Variants in RBMS2 observed in about 807,000 individuals in gnomAD.
The protein encoded by RBMS2 is RNA binding motif single stranded interacting protein 2.
Under a neutral mutation model 58.4 loss-of-function variants are expected in RBMS2, and 38 were observed. That is an observed-to-expected ratio of 0.65 (90% confidence interval 0.50 to 0.85). The LOEUF (loss-of-function observed/expected upper bound fraction) is 0.85, where lower values mean the gene tolerates loss of function less well. RBMS2 is among the 40% of genes least tolerant of loss of function. The pLI, the probability that RBMS2 is intolerant of heterozygous loss-of-function variation, is 0.00. For missense variants in RBMS2, 367 were observed against 503.7 expected (o/e 0.73, Z 2.60); for synonymous variants, 151 against 180.7 (o/e 0.84, Z 1.32).
chr12:56,556,627 C>A (rs1259376824), intron 1 of RBMS2, among the ~76,000 whole-genome samples: 1 of 152,108 alleles, frequency 6.6e-6, no homozygotes, highest in African/African-American at 2.4e-5. Context: ...CCACCCGCCT[C>A]AGCCTCCCAA....
intron 9 of RBMS2, among the ~76,000 whole-genome samples, chr12:56,583,171 T>G (rs1321056004): frequency 6.6e-6 from 1 of 152,260 alleles, no homozygotes; most frequent in African/African-American, 2.4e-5. Flanking sequence ...TTTTTATATA[T>G]GAATGCTTCT....
chr12:56,551,346 C>T (rs939849872), intron 1 of RBMS2, among the ~76,000 whole-genome samples: 1 of 152,070 alleles, frequency 6.6e-6, no homozygotes, highest in Non-Finnish European at 1.5e-5. Context: ...CTCATGATTT[C>T]AAGATTTAAG....
chr12:56,543,512 T>G (rs1876542400), intron 1 of RBMS2, among the ~76,000 whole-genome samples: 1 of 132,684 alleles, frequency 7.5e-6, no homozygotes, highest in Admixed American at 8.2e-5. Context: ...GAGAGTCACC[T>G]TTTTTTTTTT....
At chr12:56,559,462 A>G (rs1373529417) in intron 1 of RBMS2, among the ~76,000 whole-genome samples, 1 of 151,482 alleles carries the variant, frequency 6.6e-6, no homozygotes, top group African/African-American at 2.4e-5. Flanking sequence ...CTGGGATTAC[A>G]GACGTGAGCC....
intron 2 of RBMS2, among the ~76,000 whole-genome samples, chr12:56,567,926 T>A (rs1881643318): frequency 6.6e-6 from 1 of 151,884 alleles, no homozygotes; most frequent in Non-Finnish European, 1.5e-5. Context: ...AGTCTTAGAG[T>A]AAGGCAAAGA....
Position 56,594,012 on chromosome 12 carries a change from G to C in RBMS2, c.*4879G>C, listed in dbSNP as rs1212894934. 1.3e-5 allele frequency: 2 copies of C among 152,354 alleles called. No homozygotes were observed. The highest frequency in any genetic ancestry group is 2.9e-5 in the Non-Finnish European group (2 of 68,150). The allele number at this position is 152,354 out of a possible 1,614,324, so 9.4% of individuals were successfully genotyped here. A position where few individuals can be genotyped will look rare whatever the true frequency, so the allele number is the denominator to read the frequency against. On this transcript the variant is annotated 3_prime_UTR_variant, in exon 14 of 14. Coordinates refer to ENST00000262031, the MANE Select transcript of RBMS2 (RefSeq NM_002898.4). ...TTTGCTGCTTCACAGGCCATGCGCT[G>C]GGTTGGGCCACTTCAGCTCCACTCC...
chr12:56,570,914 CAT>C (rs1443811702), intron 4 of RBMS2, among the ~76,000 whole-genome samples: 2 of 152,126 alleles, frequency 1.3e-5, no homozygotes, highest in Non-Finnish European at 1.5e-5. Context: ...GAGTATTATA[CAT>C]AGAGCTTGTG....
At chr12:56,574,917 G>A (rs1415511587) in intron 5 of RBMS2, among the ~76,000 whole-genome samples, 1 of 152,182 alleles carries the variant, frequency 6.6e-6, no homozygotes, top group Non-Finnish European at 1.5e-5. Flanking sequence ...GGGAGGCCGA[G>A]GCGGGCGGAT....
At chr12:56,542,484 A>G (rs577571313) in intron 1 of RBMS2, among the ~76,000 whole-genome samples, 9 of 151,252 alleles carry the variant, frequency 6.0e-5, no homozygotes, top group Non-Finnish European at 1.3e-4. Flanking sequence ...TTTTTTTAAA[A>G]ATGGGGCTTA....
intron 1 of RBMS2, among the ~76,000 whole-genome samples, chr12:56,553,636 G>A (rs544550659): frequency 1.3e-5 from 2 of 151,868 alleles, no homozygotes; most frequent in South Asian, 4.2e-4. Context: ...CCTAATTTTT[G>A]TATTTCTTTT....
At chr12:56,530,188 G>A (rs142460559) in intron 1 of RBMS2, among the ~76,000 whole-genome samples, 77 of 149,324 alleles carry the variant, frequency 5.2e-4, no homozygotes, top group African/African-American at 1.7e-3. Context: ...GATTACAGGC[G>A]TGAGCCACTG....
Position 56,590,886 on chromosome 12 carries a change from TA to T in RBMS2, c.*1755del, listed in dbSNP as rs1471529907. The stretch of plus-strand genomic sequence containing the variant: ...GCCCAGGGAACCAGGACATCAGAAA[TA>T]ATGTTCCTTCTGTGGAAGGACAACG... On this transcript the variant is annotated 3_prime_UTR_variant, in exon 14 of 14. Coordinates refer to ENST00000262031, the MANE Select transcript of RBMS2 (RefSeq NM_002898.4). 6.6e-6 allele frequency: 1 copy of T among 152,164 alleles called. No individual in the cohort carries two copies. The highest frequency in any genetic ancestry group is 1.5e-5 in the Non-Finnish European group (1 of 68,050). 9.4% of individuals were successfully genotyped at this position (152,164 alleles called of 1,614,324 possible).
intron 1 of RBMS2, among the ~76,000 whole-genome samples, chr12:56,534,397 T>A (rs1454361679): frequency 6.6e-6 from 1 of 152,210 alleles, no homozygotes; most frequent in Non-Finnish European, 1.5e-5. Flanking sequence ...TGCTGAGCCA[T>A]CAGGTATGCG....
intron 2 of RBMS2, among the ~76,000 whole-genome samples, chr12:56,565,289 A>T (rs905431843): frequency 6.6e-6 from 1 of 152,156 alleles, no homozygotes; most frequent in Non-Finnish European, 1.5e-5. Context: ...TACATAGGTA[A>T]ACTCGGGACT....
At chr12:56,531,663 TA>T (rs1873750774) in intron 1 of RBMS2, among the ~76,000 whole-genome samples, 1 of 150,710 alleles carries the variant, frequency 6.6e-6, no homozygotes, top group African/African-American at 2.4e-5. Flanking sequence ...CAGTCCCTAC[TA>T]AAAATACAAA....
At position 56,521,968 on chromosome 12, in the gene RBMS2, C is replaced by G; in HGVS notation, c.-56C>G. The G allele has an allele frequency of 2.6e-6, 2 of 758,220 alleles. No individual in the cohort carries two copies. The highest frequency in any genetic ancestry group is 4.0e-6 in the Non-Finnish European group (2 of 499,676). The allele number at this position is 758,220 out of a possible 1,614,324, so 47.0% of individuals were successfully genotyped here. ...CTCCCTCCCTCCCCGTCTTTCTTAC[C>G]CCCTCCCTTTCTCTCTCTCTCTCTC... On this transcript the variant is annotated 5_prime_UTR_variant, in exon 1 of 14. Transcript: ENST00000262031.
intron 2 of RBMS2, among the ~76,000 whole-genome samples, chr12:56,564,975 G>A (rs983262445): frequency 6.6e-6 from 1 of 152,160 alleles, no homozygotes; most frequent in African/African-American, 2.4e-5. Flanking sequence ...TCACGCCACT[G>A]CACCACAGCC....
chr12:56,561,422 C>T (rs1880366466), intron 1 of RBMS2, among the ~76,000 whole-genome samples: 1 of 152,182 alleles, frequency 6.6e-6, no homozygotes, highest in Non-Finnish European at 1.5e-5. Flanking sequence ...ACCTCATAAC[C>T]TCACTAGCAT....
At chr12:56,547,942 G>A (rs1378588763) in intron 1 of RBMS2, among the ~76,000 whole-genome samples, 3 of 151,884 alleles carry the variant, frequency 2.0e-5, no homozygotes, top group Non-Finnish European at 2.9e-5. Flanking sequence ...GTGAGCCACC[G>A]TGCCCAGCCC....
Sources: allele counts gnomAD v4.1 joint callset (sites outside exome capture counted in the v4.1 genomes callset), GRCh38; gene constraint gnomAD v4.1.1; transcripts MANE v1.5; gene names NCBI Gene and HGNC (gene_info 2026-07-23, HGNC 2026-07-21).